SOD2: variants seen among roughly 807,000 people sequenced by gnomAD.
The protein encoded by SOD2 is superoxide dismutase [Mn], mitochondrial.
A neutral mutation model predicts 27.0 loss-of-function variants in SOD2; 11 were observed. The ratio of observed to expected loss-of-function variants is 0.41; its 90% CI spans 0.26 to 0.67. The LOEUF (loss-of-function observed/expected upper bound fraction) is 0.67, where lower values mean the gene tolerates loss of function less well. SOD2 is among the 30% of genes least tolerant of loss of function. The probability of loss-of-function intolerance (pLI) is 0.34; values close to 1 mark genes in which losing one functional copy is unlikely to be tolerated. For synonymous variants in SOD2, 105 were observed against 103.0 expected (o/e 1.02, Z -0.12); for missense variants, 250 against 274.5 (o/e 0.91, Z 0.63).
chr6:159,747,913 A>G (rs1779671211), upstream of SOD2, among the ~76,000 whole-genome samples: 1 of 152,098 alleles, frequency 6.6e-6, no homozygotes, highest in South Asian at 2.1e-4. Context: ...TTTAATTGAC[A>G]AATAAGTTTT....
exon 1 of SOD2, chr6:159,761,835 CCGCCCCG>C (rs1226512570): frequency 1.7e-4 from 38 of 219,264 alleles, no homozygotes; most frequent in Middle Eastern, 1.5e-3. Context: ...GGCCTCACTT[CCGCCCCG>C]CGCCCCGCGC....
At chr6:159,702,654 C>CAA (rs750073120) in intron 1 of SOD2, among the ~76,000 whole-genome samples, 523 of 39,588 alleles carry the variant, frequency 0.013, 8 homozygotes, top group African/African-American at 0.027. Context: ...TCTATCTCTC[C>CAA]AAAAAAAAAA....
chr6:159,732,654 G>C (rs1778644768), intron 1 of SOD2, among the ~76,000 whole-genome samples: 1 of 152,104 alleles, frequency 6.6e-6, no homozygotes, highest in East Asian at 1.9e-4. Flanking sequence ...GGTCAACATG[G>C]TGAAACTAAA....
chr6:159,755,760 CTTTTCTTTTT>C, intron 1 of SOD2: 1 of 281,890 alleles, frequency 3.5e-6, no homozygotes, highest in Non-Finnish European at 4.7e-6. Context: ...TTTTTTTTTT[CTTTTCTTTTT>C]TTTTTTTTTT....
chr6:159,743,252 G>T (rs1182414878), intron 1 of SOD2, among the ~76,000 whole-genome samples: 1 of 152,156 alleles, frequency 6.6e-6, no homozygotes, highest in Non-Finnish European at 1.5e-5. Context: ...TCACCGTGTT[G>T]GTTAGGCTGG....
Position 159,761,383 on chromosome 6 carries a change from A to G in SOD2, c.-682T>C, listed in dbSNP as rs528977218. 11 of 358,568 alleles carry G rather than the reference A, an allele frequency of 3.1e-5. No homozygotes were observed. The East Asian group carries it at 6.4e-4, about 21-fold the overall frequency. 22.2% of individuals were successfully genotyped at this position (358,568 alleles called of 1,614,324 possible). A position where few individuals can be genotyped will look rare whatever the true frequency, so the allele number is the denominator to read the frequency against. On this transcript the variant is annotated 5_prime_UTR_variant, in exon 1 of 8. Coordinates refer to the SOD2 transcript ENST00000546087. Reference sequence around the variant, plus strand: ...CCTTTCACTGTCCAAACGTCAACCAAAGGAACTTTTGTGACGCTAAGACGC... The same window carrying G: ...CCTTTCACTGTCCAAACGTCAACCAGAGGAACTTTTGTGACGCTAAGACGC...
chr6:159,699,068 C>G (rs1156519093), intron 1 of SOD2, among the ~76,000 whole-genome samples: 1 of 152,046 alleles, frequency 6.6e-6, no homozygotes, highest in Non-Finnish European at 1.5e-5. Context: ...ACAGCTGCCA[C>G]TCCCTCTCCC....
chr6:159,692,272 A>G, intron 2 of SOD2: 3 of 635,482 alleles, frequency 4.7e-6, no homozygotes, highest in Non-Finnish European at 6.8e-6. Context: ...TGAGAGACCA[A>G]ACATTTCCCC....
At chr6:159,697,449 G>C (rs1243585518), upstream of SOD2, among the ~76,000 whole-genome samples, 1 of 152,106 alleles carries the variant, frequency 6.6e-6, no homozygotes, top group East Asian at 1.9e-4. Context: ...AATGATTATA[G>C]AGCTATATTA....
At chr6:159,758,739 A>G (rs941055708) in intron 1 of SOD2, among the ~76,000 whole-genome samples, 1 of 152,158 alleles carries the variant, frequency 6.6e-6, no homozygotes. Context: ...TCCTATGGCA[A>G]TTCCACTTTG....
At chr6:159,685,149 A>C (rs1337992002) in intron 3 of SOD2, 116 bp from the exon 4 acceptor site, 1 of 549,146 alleles carries the variant, frequency 1.8e-6, no homozygotes, top group Non-Finnish European at 2.8e-6. Context: ...AAATTAGACA[A>C]CATCAGAATG....
chr6:159,693,061 C>T (rs926397974), intron 1 of SOD2, 84 bp downstream of exon 1: 17 of 1,499,356 alleles, frequency 1.1e-5, no homozygotes, highest in Non-Finnish European at 9.8e-6. Context: ...CCCGGTGCGG[C>T]CACTGTCGCC....
intron 1 of SOD2, chr6:159,753,418 G>A: frequency 6.2e-7 from 1 of 1,613,870 alleles, no homozygotes; most frequent in Non-Finnish European, 8.5e-7. Flanking sequence ...AAGACAGAGA[G>A]TTTTGTCTTC....
chr6:159,725,667 C>A (rs1423341280), intron 1 of SOD2: 1 of 151,812 alleles, frequency 6.6e-6, no homozygotes, highest in Non-Finnish European at 1.5e-5. Flanking sequence ...CTCCACCCCC[C>A]ACTCTTTATA....
intron 1 of SOD2, among the ~76,000 whole-genome samples, chr6:159,732,465 T>C (rs1243642472): frequency 6.6e-6 from 1 of 152,218 alleles, no homozygotes; most frequent in Non-Finnish European, 1.5e-5. Flanking sequence ...CGTATATACA[T>C]AGATACAGAT....
chr6:159,716,594 G>A (rs761751090), intron 1 of SOD2, among the ~76,000 whole-genome samples: 1 of 152,154 alleles, frequency 6.6e-6, no homozygotes, highest in African/African-American at 2.4e-5. Flanking sequence ...CCATCACTAT[G>A]TGGTAAAGAC....
chr6:159,726,730 A>T, intron 1 of SOD2: 1 of 1,269,492 alleles, frequency 7.9e-7, no homozygotes, highest in Non-Finnish European at 1.0e-6. Context: ...CCGACGCCAG[A>T]GAACAATAGC....
At position 159,681,039 on chromosome 6, in the gene SOD2, A is replaced by C. The variant is rs917335468; in HGVS notation, c.*1454T>G. Reference sequence around the variant, plus strand: ...TCACCCCAGCATTATCTGTAGTAACAATTAGAAACAAATGAAATATTCAAA... The same window carrying C: ...TCACCCCAGCATTATCTGTAGTAACCATTAGAAACAAATGAAATATTCAAA... On this transcript the variant is annotated 3_prime_UTR_variant, in exon 5 of 5. Coordinates refer to ENST00000538183, the MANE Select transcript of SOD2 (RefSeq NM_000636.4). 2 of 152,208 alleles carry C rather than the reference A, an allele frequency of 1.3e-5. No homozygotes were observed. The highest frequency in any genetic ancestry group is 4.8e-5 in the African/African-American group (2 of 41,456). 9.4% of individuals were successfully genotyped at this position (152,208 alleles called of 1,614,324 possible).
chr6:159,713,811 G>A (rs1251689562), intron 1 of SOD2: 11 of 1,057,586 alleles, frequency 1.0e-5, no homozygotes, highest in Non-Finnish European at 1.6e-5. Context: ...GCAGATTCAA[G>A]TTCAACAAAT....
Sources: gnomAD v4.1 joint callset for allele counts (sites outside exome capture counted in the v4.1 genomes callset) on GRCh38, gnomAD v4.1.1 for gene constraint, MANE v1.5 for transcripts, NCBI Gene and HGNC (gene_info 2026-07-23, HGNC 2026-07-21) for gene names.